Variants in SLC35F3 observed in about 807,000 individuals in gnomAD.
SLC35F3 encodes putative thiamine transporter SLC35F3.
SLC35F3 carries 25 observed loss-of-function variants against 49.9 expected under a neutral mutation model. That is an observed-to-expected ratio of 0.50 (90% confidence interval 0.37 to 0.70). The LOEUF (loss-of-function observed/expected upper bound fraction) is 0.70. Among genes scored for constraint, SLC35F3 ranks in the 30% least tolerant of loss-of-function variants. SLC35F3 has a pLI of 0.00. For missense variants in SLC35F3, 525 were observed against 639.8 expected (o/e 0.82, Z 1.94); for synonymous variants, 275 against 265.4 (o/e 1.04, Z -0.35).
intron 2 of SLC35F3, among the ~76,000 whole-genome samples, chr1:234,102,885 C>T (rs546524552): frequency 1.3e-5 from 2 of 152,272 alleles, no homozygotes; most frequent in East Asian, 1.9e-4. Flanking sequence ...CCACTTGTAA[C>T]GAAATAGAAG....
intron 2 of SLC35F3, among the ~76,000 whole-genome samples, chr1:234,128,260 C>T (rs1469159925): frequency 1.7e-5 from 2 of 116,480 alleles, no homozygotes. Flanking sequence ...TGGCTTCCAG[C>T]TGTTTGATGC....
intron 2 of SLC35F3, among the ~76,000 whole-genome samples, chr1:234,071,273 A>G (rs921552167): frequency 6.6e-6 from 1 of 152,206 alleles, no homozygotes; most frequent in African/African-American, 2.4e-5. Flanking sequence ...CTGAGAAACT[A>G]TGGGCCAGGC....
chr1:234,144,084 T>C (rs758998497), intron 2 of SLC35F3, among the ~76,000 whole-genome samples: 86 of 143,000 alleles, frequency 6.0e-4, no homozygotes, highest in Admixed American at 1.0e-3. Flanking sequence ...AAAGAGATTC[T>C]GAAAAGTGAG....
intron 2 of SLC35F3, among the ~76,000 whole-genome samples, chr1:234,119,023 C>G (rs1419808913): frequency 6.6e-6 from 1 of 152,034 alleles, no homozygotes; most frequent in African/African-American, 2.4e-5. Flanking sequence ...ATCAAGAGAG[C>G]TGGCAGGAAC....
At chr1:234,112,554 C>CTTTTTT (rs1229344681) in intron 2 of SLC35F3, among the ~76,000 whole-genome samples, 12 of 116,726 alleles carry the variant, frequency 1.0e-4, no homozygotes, top group Middle Eastern at 4.3e-3. Flanking sequence ...ATAATTCACA[C>CTTTTTT]TCTTTTTTTT....
chr1:234,241,734 T>C (rs973234782), intron 3 of SLC35F3, among the ~76,000 whole-genome samples: 63 of 92,616 alleles, frequency 6.8e-4, no homozygotes, highest in African/African-American at 3.3e-3. Flanking sequence ...ACACTCTGTC[T>C]CAAAAAAAAA....
chr1:234,212,134 C>T (rs1050558233), intron 2 of SLC35F3, among the ~76,000 whole-genome samples: 1 of 152,206 alleles, frequency 6.6e-6, no homozygotes, highest in Non-Finnish European at 1.5e-5. Context: ...GAGGCCTCCC[C>T]AGCCACGTGG....
At chr1:234,311,503 C>A (rs1046808426) in intron 4 of SLC35F3, among the ~76,000 whole-genome samples, 3 of 152,172 alleles carry the variant, frequency 2.0e-5, no homozygotes, top group Admixed American at 2.0e-4. Flanking sequence ...GAAGGCACAG[C>A]CTTATGTTTG....
intron 2 of SLC35F3, among the ~76,000 whole-genome samples, chr1:233,928,792 C>T (rs540736982): frequency 2.6e-5 from 4 of 152,100 alleles, no homozygotes; most frequent in South Asian, 4.2e-4. Context: ...ATTCGACTTC[C>T]GAAAATAATG....
At chr1:234,236,757 C>T (rs1376800986) in intron 3 of SLC35F3, among the ~76,000 whole-genome samples, 13 of 151,496 alleles carry the variant, frequency 8.6e-5, no homozygotes, top group Non-Finnish European at 1.6e-4. Context: ...GCAGCTGCTG[C>T]GACTCTGTAG....
chr1:234,214,360 C>G lies in SLC35F3; in HGVS notation c.284-17057C>G. 1 of 1,336,520 alleles carries G rather than the reference C, an allele frequency of 7.5e-7. No homozygotes were observed. Among genetic ancestry groups the G allele is most frequent in the Non-Finnish European group, 9.6e-7 (1 of 1,044,664 alleles). The allele number at this position is 1,336,520 out of a possible 1,614,324, so 82.8% of individuals were successfully genotyped here. A position where few individuals can be genotyped will look rare whatever the true frequency, so the allele number is the denominator to read the frequency against. On this transcript the variant is annotated intron_variant, in intron 2 of 7. Transcript: ENST00000366618. The surrounding 1 kb of genome is among the most constrained non-coding windows in gnomAD (Gnocchi z 8.0). ...GAGCCCGGCGGGCAGCCGGGGAGGC[C>G]GGGACTGAGAGGGGCGAGCCGCTGG...
At chr1:234,110,037 A>C (rs146645085) in intron 2 of SLC35F3, among the ~76,000 whole-genome samples, 1 of 152,254 alleles carries the variant, frequency 6.6e-6, no homozygotes, top group East Asian at 1.9e-4. Flanking sequence ...ATGACTAGGA[A>C]AGTGAAGGAT....
chr1:234,262,385 A>C (rs1179894738), intron 3 of SLC35F3, among the ~76,000 whole-genome samples: 1 of 152,192 alleles, frequency 6.6e-6, no homozygotes, highest in Non-Finnish European at 1.5e-5. Context: ...TGATATGACT[A>C]TAAGAAATAC....
At chr1:234,278,196 A>G (rs1014094941) in intron 3 of SLC35F3, among the ~76,000 whole-genome samples, 2 of 151,732 alleles carry the variant, frequency 1.3e-5, no homozygotes, top group African/African-American at 4.8e-5. Flanking sequence ...CCATCTCGAA[A>G]AAAAAATAAA....
intron 2 of SLC35F3, among the ~76,000 whole-genome samples, chr1:233,937,166 A>G (rs1662348810): frequency 6.6e-6 from 1 of 152,236 alleles, no homozygotes; most frequent in South Asian, 2.1e-4. Context: ...AAAATCAAGA[A>G]GAACTGAACC....
chr1:233,971,662 G>A (rs1662995233), intron 2 of SLC35F3, among the ~76,000 whole-genome samples: 1 of 148,522 alleles, frequency 6.7e-6, no homozygotes. Context: ...AGATTGCAGT[G>A]AGCCGAGATC....
intron 2 of SLC35F3, among the ~76,000 whole-genome samples, chr1:234,206,504 G>C (rs1490371825): frequency 3.0e-5 from 4 of 133,612 alleles, no homozygotes; most frequent in East Asian, 2.7e-4. Context: ...TTCCCGGGGG[G>C]GGGCTATTTC....
chr1:234,227,655 C>A (rs1056014926), intron 2 of SLC35F3, among the ~76,000 whole-genome samples: 3 of 152,176 alleles, frequency 2.0e-5, no homozygotes, highest in African/African-American at 7.2e-5. Context: ...ACCTCGGCCT[C>A]CCAAAGTGCT....
Position 234,140,002 on chromosome 1 carries a change from A to AATAAAATAAAATAAAAAT in SLC35F3, c.284-91415_284-91414insATAAAATAAAATAAAAAT. Among the ~76,000 whole-genome samples, 6 of 105,354 alleles carry AATAAAATAAAATAAAAAT rather than the reference A, an allele frequency of 5.7e-5. 1 individual carries two copies. The highest frequency in any genetic ancestry group is 2.7e-4 in the Admixed American group (3 of 11,056). 69.1% of individuals were successfully genotyped at this position (105,354 alleles called of 152,430 possible). ...AATAAAATAAAATAAAATAAAATAAAGTAAGTGACTTGAACACAAGTACTG... is the reference window on the plus strand; with the variant it reads ...AATAAAATAAAATAAAATAAAATAAAATAAAATAAAATAAAAATGTAAGTGACTTGAACACAAGTACTG... On this transcript the variant is annotated intron_variant, in intron 2 of 7. Coordinates refer to ENST00000366618, the MANE Select transcript of SLC35F3 (RefSeq NM_173508.4).
Sources: gnomAD v4.1 joint callset for allele counts (sites outside exome capture counted in the v4.1 genomes callset) on GRCh38, gnomAD v4.1.1 for gene constraint, Gnocchi (gnomAD v3.1) non-coding constraint, MANE v1.5 for transcripts, NCBI Gene and HGNC (gene_info 2026-07-23, HGNC 2026-07-21) for gene names.